WDR7: variants seen among roughly 807,000 people sequenced by gnomAD.
WDR7 encodes the protein WD repeat-containing protein 7.
WDR7 carries 46 observed loss-of-function variants against 169.4 expected under a neutral mutation model. That is an observed-to-expected ratio of 0.27 (90% CI 0.21 to 0.35). The LOEUF is 0.35. Ranked by LOEUF, WDR7 falls within the 10% of genes least tolerant of loss-of-function variation. The probability of loss-of-function intolerance (pLI) is 1.00; values close to 1 mark genes in which losing one functional copy is unlikely to be tolerated. For missense variants in WDR7, 1,534 were observed against 1,859.3 expected (o/e 0.83, Z 3.22); for synonymous variants, 612 against 666.8 (o/e 0.92, Z 1.27).
At chr18:56,737,428 T>C (rs953845764) in intron 14 of WDR7, among the ~76,000 whole-genome samples, 2 of 152,232 alleles carry the variant, frequency 1.3e-5, no homozygotes, top group African/African-American at 4.8e-5. Context: ...TTTTCTGTTC[T>C]GCAGCTTTAC....
At chr18:56,714,444 CTTTT>C (rs1192341254) in intron 12 of WDR7, among the ~76,000 whole-genome samples, 1 of 130,276 alleles carries the variant, frequency 7.7e-6, no homozygotes. Context: ...TTGGACGAAA[CTTTT>C]TTTTTTTTTT....
At chr18:56,667,601 C>T (rs541473257) in intron 1 of WDR7, among the ~76,000 whole-genome samples, 50 of 152,184 alleles carry the variant, frequency 3.3e-4, no homozygotes, top group African/African-American at 1.1e-3. Context: ...TCTAAATTGT[C>T]GATACTTCCC....
chr18:56,791,897 C>T (rs1315513615), intron 19 of WDR7, among the ~76,000 whole-genome samples: 4 of 152,088 alleles, frequency 2.6e-5, no homozygotes, highest in South Asian at 4.1e-4. Flanking sequence ...TTTCAAAAGA[C>T]GATTCTTGTA....
At chr18:56,754,079 C>T (rs201049021) in intron 14 of WDR7, among the ~76,000 whole-genome samples, 3 of 151,792 alleles carry the variant, frequency 2.0e-5, no homozygotes, top group Middle Eastern at 3.2e-3. Flanking sequence ...TATTTTCACA[C>T]ATTTCTTTCC....
intron 19 of WDR7, among the ~76,000 whole-genome samples, chr18:56,788,222 T>C (rs1283570468): frequency 5.9e-5 from 9 of 152,246 alleles, no homozygotes; most frequent in African/African-American, 2.2e-4. Context: ...TGGCCTATGC[T>C]GTGAAATTAC....
chr18:56,913,825 G>GACAA (rs57274979), intron 21 of WDR7, among the ~76,000 whole-genome samples: 1 of 151,072 alleles, frequency 6.6e-6, no homozygotes, highest in Non-Finnish European at 1.5e-5. Flanking sequence ...CCAGAATTCA[G>GACAA]TTATCACTAC....
intron 2 of WDR7, among the ~76,000 whole-genome samples, chr18:56,678,008 C>T (rs1169261779): frequency 1.3e-5 from 2 of 152,114 alleles, no homozygotes; most frequent in Admixed American, 6.6e-5. Context: ...TCTTCAAGCT[C>T]ACTATTTCTT....
At chr18:56,720,825 T>G (rs2144754180) in intron 13 of WDR7, among the ~76,000 whole-genome samples, 1 of 151,640 alleles carries the variant, frequency 6.6e-6, no homozygotes, top group African/African-American at 2.4e-5. Flanking sequence ...ATATTGAAAT[T>G]ACATGCTGAA....
At chr18:56,804,938 CAGAAG>C (rs1230279809) in intron 19 of WDR7, among the ~76,000 whole-genome samples, 1 of 152,144 alleles carries the variant, frequency 6.6e-6, no homozygotes, top group African/African-American at 2.4e-5. Context: ...TTTAAGGCAG[CAGAAG>C]AGAAGTCTGT....
At chr18:56,744,245 G>GAAAAAAAAA (rs58110613) in intron 14 of WDR7, among the ~76,000 whole-genome samples, 11 of 86,880 alleles carry the variant, frequency 1.3e-4, no homozygotes, top group South Asian at 4.7e-4. Context: ...TCTCAAAAAA[G>GAAAAAAAAA]AAAAAAAAAA....
At chr18:56,873,969 A>G (rs1461562257) in intron 20 of WDR7, 2 of 152,230 alleles carry the variant, frequency 1.3e-5, no homozygotes, top group African/African-American at 4.8e-5. Flanking sequence ...AGCTGACAGA[A>G]CAATCAGTGC....
chr18:56,809,399 C>T (rs1006377907), intron 19 of WDR7, among the ~76,000 whole-genome samples: 3 of 152,028 alleles, frequency 2.0e-5, no homozygotes, highest in African/African-American at 7.2e-5. Context: ...AGATTTTCAT[C>T]ACTGTCAAAT....
At chr18:56,959,127 A>C (rs189462475) in intron 25 of WDR7, among the ~76,000 whole-genome samples, 1 of 152,230 alleles carries the variant, frequency 6.6e-6, no homozygotes, top group East Asian at 1.9e-4. Context: ...GATGTAAATG[A>C]AGTGAGGGCA....
At chr18:56,921,998 T>C (rs1352803854) in intron 21 of WDR7, among the ~76,000 whole-genome samples, 2 of 152,164 alleles carry the variant, frequency 1.3e-5, no homozygotes. Context: ...CTTTACCTCC[T>C]TTTGCAATAT....
intron 20 of WDR7, among the ~76,000 whole-genome samples, chr18:56,866,513 GA>G (rs1427328572): frequency 2.6e-5 from 4 of 151,812 alleles, no homozygotes; most frequent in African/African-American, 7.3e-5. Flanking sequence ...TATTTCGAAA[GA>G]TTTTTTTTCT....
intron 12 of WDR7, among the ~76,000 whole-genome samples, chr18:56,706,605 A>T (rs997577178): frequency 1.3e-5 from 2 of 152,200 alleles, no homozygotes; most frequent in Admixed American, 6.5e-5. Flanking sequence ...CTACATTGTC[A>T]TTTGGATGAT....
intron 20 of WDR7, among the ~76,000 whole-genome samples, chr18:56,845,027 A>G (rs1383381730): frequency 2.0e-5 from 3 of 152,154 alleles, no homozygotes; most frequent in Non-Finnish European, 4.4e-5. Flanking sequence ...AAAAACATAT[A>G]TAGGATTTGG....
intron 26 of WDR7, among the ~76,000 whole-genome samples, chr18:57,020,485 T>G (rs1444872210): frequency 3.9e-5 from 6 of 152,212 alleles, no homozygotes; most frequent in African/African-American, 1.4e-4. Context: ...TAATATATGC[T>G]TTTTCTTTGG....
chr18:56,656,039 C>T (rs2024760944), intron 1 of WDR7, among the ~76,000 whole-genome samples: 1 of 152,124 alleles, frequency 6.6e-6, no homozygotes, highest in Non-Finnish European at 1.5e-5. Context: ...GATAAAGCTG[C>T]TGTGAACATT....
Sources: allele counts gnomAD v4.1 joint callset (sites outside exome capture counted in the v4.1 genomes callset), GRCh38; gene constraint gnomAD v4.1.1; transcripts MANE v1.5; gene names NCBI Gene and HGNC (gene_info 2026-07-23, HGNC 2026-07-21).